Variants in DNAH17 observed in about 807,000 individuals in gnomAD.
The protein encoded by DNAH17 is axonemal beta dynein heavy chain 17.
Under a neutral mutation model 485.6 loss-of-function variants are expected in DNAH17, and 376 were observed. The ratio of observed to expected loss-of-function variants is 0.77; its 90% CI spans 0.71 to 0.84. The LOEUF is 0.84. Among genes scored for constraint, DNAH17 ranks in the 40% least tolerant of loss-of-function variants. The pLI is 0.00. For synonymous variants in DNAH17, 3,031 were observed against 2,405.9 expected (o/e 1.26, Z -7.60); for missense variants, 6,370 against 5,839.3 (o/e 1.09, Z -2.96).
intron 16 of DNAH17, 140 bp downstream of exon 16, chr17:78,551,395 C>T (rs536238473): frequency 1.8e-5 from 12 of 684,336 alleles, no homozygotes; most frequent in East Asian, 5.3e-5. Context: ...ATCATCCTAC[C>T]GGTGGAGAGC....
chr17:78,441,904 A>G (rs1328817754), intron 71 of DNAH17, among the ~76,000 whole-genome samples: 1 of 152,096 alleles, frequency 6.6e-6, no homozygotes, highest in Admixed American at 6.6e-5. Flanking sequence ...GACCAACATG[A>G]CAAAACCCTC....
At chr17:78,524,594 C>A (rs1376967102) in intron 25 of DNAH17, among the ~76,000 whole-genome samples, 2 of 145,600 alleles carry the variant, frequency 1.4e-5, no homozygotes, top group East Asian at 2.0e-4. Context: ...GACTTCCCAG[C>A]CTCCAGAACG....
At chr17:78,515,681 C>T (rs2090761435) in intron 25 of DNAH17, among the ~76,000 whole-genome samples, 1 of 152,240 alleles carries the variant, frequency 6.6e-6, no homozygotes, top group Non-Finnish European at 1.5e-5. Context: ...CCCAGCTTGG[C>T]ATTCCCCTTG....
In DNAH17 at chr17:78,501,873, T is replaced by C; in HGVS notation, c.5191A>G (p.Ile1731Val). 6.2e-7 allele frequency: 1 copy of C among 1,614,036 alleles called. No individual in the cohort carries two copies. The highest frequency in any genetic ancestry group is 8.5e-7 in the Non-Finnish European group (1 of 1,179,904). ...NAIRDYNKKQ[I>V]SQLNVLITLL... ...GTGATGAGTACGTTCAGCTGGCTAA[T>C]CTGCGGGGGAGAGTGCCTTCGATGA... The change falls in exon 34 of 81, where the codon ATT becomes GTT. Residue 1731 changes from isoleucine (I) to valine (V), a missense_variant and splice_region_variant. Transcript: ENST00000389840.
chr17:78,523,257 G>C (rs955451277), intron 25 of DNAH17, among the ~76,000 whole-genome samples: 4 of 152,090 alleles, frequency 2.6e-5, no homozygotes, highest in African/African-American at 9.7e-5. Flanking sequence ...CCGAGTAGCT[G>C]AGATTACAGG....
chr17:78,450,166 G>A (rs930488886), intron 68 of DNAH17, 88 bp downstream of exon 68: 55 of 1,509,764 alleles, frequency 3.6e-5, no homozygotes, highest in African/African-American at 1.1e-4. Context: ...GGCACTGCCC[G>A]ATGGCTGTGT....
In DNAH17 at chr17:78,450,924, G is replaced by A. The variant is rs141274665; in HGVS notation, c.10735-78C>T. 9.7e-4 allele frequency: 1,514 copies of A among 1,556,000 alleles called. 11 individuals carry two copies. In the East Asian group the frequency reaches 0.022, roughly 22 times the overall value. On this transcript the variant is annotated intron_variant, in intron 66 of 80. Coordinates refer to ENST00000389840, the MANE Select transcript of DNAH17 (RefSeq NM_173628.4). ...ACCCGGGCCTCCCTCAGGTGGCCAT[G>A]TAGCTGAGCCAAGGCCCAGGCTTTG...
At chr17:78,454,914 G>A (rs1455958466) in intron 63 of DNAH17, among the ~76,000 whole-genome samples, 2 of 149,366 alleles carry the variant, frequency 1.3e-5, no homozygotes, top group South Asian at 2.1e-4. Flanking sequence ...ACCGGGCCAC[G>A]TTTTTTTTTT....
intron 75 of DNAH17, among the ~76,000 whole-genome samples, chr17:78,432,668 C>G (rs931155626): frequency 6.6e-6 from 1 of 152,212 alleles, no homozygotes; most frequent in East Asian, 1.9e-4. Context: ...CTTCTCAGGA[C>G]ACCCAATGGG....
At chr17:78,484,739 A>ACCCCCCTCCC in intron 48 of DNAH17, 129 bp downstream of exon 48, 1 of 347,798 alleles carries the variant, frequency 2.9e-6, no homozygotes, top group South Asian at 4.2e-5. Context: ...ACGTTGCAGC[A>ACCCCCCTCCC]CCCCCCCCAC....
chr17:78,475,273 C>T lies in DNAH17; in HGVS notation c.8511+5G>A. 1.2e-6 allele frequency: 2 copies of T among 1,613,962 alleles called. No homozygotes were observed. The highest frequency in any genetic ancestry group is 2.2e-5 in the East Asian group (1 of 44,878). ...AAGGCAGCCTATTGAACAGTAAGCT[C>T]TCACCTTGAGGTCGGGGATCCCGTA... On this transcript the variant is annotated splice_donor_5th_base_variant and intron_variant, in intron 54 of 80. Coordinates refer to ENST00000389840, the MANE Select transcript of DNAH17 (RefSeq NM_173628.4).
In DNAH17 at chr17:78,462,906, G is replaced by A. The variant is rs562514124; in HGVS notation, c.9112C>T (p.Leu3038Phe). 5.0e-6 allele frequency: 8 copies of A among 1,613,974 alleles called. No individual in the cohort carries two copies. The highest frequency in any genetic ancestry group is 1.3e-5 in the African/African-American group (1 of 75,024). ...TCCAGCCTCTCGATTTTGGCAACAA[G>A]TTCCGTTCTCTTCTTGGCCAGCAGG... The part of the protein sequence containing the change: ...QNLLAKKRTE[L>F]VAKIERLENG... The change falls in exon 57 of 81, where the codon CTT becomes TTT. Residue 3038 changes from leucine to phenylalanine, a missense_variant. Transcript: ENST00000389840.
chr17:78,442,289 C>T (rs74415413), intron 71 of DNAH17, among the ~76,000 whole-genome samples: 3 of 152,308 alleles, frequency 2.0e-5, no homozygotes, highest in South Asian at 2.1e-4. Flanking sequence ...AGCAATCAGC[C>T]GGCTATTGCC....
chr17:78,458,660 G>T lies in DNAH17; in HGVS notation c.9882C>A (p.Ser3294Arg). The change falls in exon 62 of 81, where the codon AGC becomes AGA. Residue 3294 changes from serine (S) to arginine (R), a missense_variant. Transcript: ENST00000389840. ...CTTTTTCAAACGCTGAGGTTAGGTT[G>T]CTCAGGTTGGCGTTAAGTTCCTGCA... ...NKIAELNANL[S>R]NLTSAFEKAT... 1 of 1,614,020 alleles carries T rather than the reference G, an allele frequency of 6.2e-7. No individual in the cohort carries two copies. The highest frequency in any genetic ancestry group is 8.5e-7 in the Non-Finnish European group (1 of 1,179,874).
chr17:78,504,894 CTTTTTTTTTTTTTT>C (rs66596656), intron 31 of DNAH17, among the ~76,000 whole-genome samples: 36 of 58,936 alleles, frequency 6.1e-4, no homozygotes, highest in African/African-American at 2.5e-3. Flanking sequence ...ATTAACAGGG[CTTTTTTTTTTTTTT>C]TTTTTTTTTT....
intron 16 of DNAH17, among the ~76,000 whole-genome samples, chr17:78,544,971 G>A (rs1309121185): frequency 6.6e-6 from 1 of 151,784 alleles, no homozygotes; most frequent in African/African-American, 2.4e-5. Flanking sequence ...AACAGTCTTT[G>A]GCCATATCTC....
intron 18 of DNAH17, among the ~76,000 whole-genome samples, chr17:78,537,872 C>T (rs2091419175): frequency 6.6e-6 from 1 of 152,182 alleles, no homozygotes; most frequent in Non-Finnish European, 1.5e-5. Context: ...GGCGCAGTGG[C>T]TCATGCCTGT....
intron 11 of DNAH17, 115 bp from the exon 12 acceptor site, chr17:78,562,095 G>T: frequency 6.2e-6 from 8 of 1,289,282 alleles, no homozygotes; most frequent in Non-Finnish European, 8.3e-6. Flanking sequence ...TGTGTACCTT[G>T]CCAAAACAAA....
chr17:78,519,333 G>A (rs2090876415), intron 25 of DNAH17, among the ~76,000 whole-genome samples: 1 of 152,062 alleles, frequency 6.6e-6, no homozygotes, highest in Non-Finnish European at 1.5e-5. Flanking sequence ...ATAGCACGAA[G>A]TGTTTCCTTT....
Sources: allele counts gnomAD v4.1 joint callset (sites outside exome capture counted in the v4.1 genomes callset), GRCh38; gene constraint gnomAD v4.1.1; transcripts MANE v1.5; gene names NCBI Gene and HGNC (gene_info 2026-07-23, HGNC 2026-07-21).